EPHA6: variants seen among roughly 807,000 people sequenced by gnomAD.
The protein encoded by EPHA6 is ephrin type-A receptor 6.
Under a neutral mutation model 112.0 loss-of-function variants are expected in EPHA6, and 50 were observed. The ratio of observed to expected loss-of-function variants is 0.45; its 90% CI spans 0.36 to 0.56. The LOEUF is 0.56. Among genes scored for constraint, EPHA6 ranks in the 20% least tolerant of loss-of-function variants. The probability of loss-of-function intolerance (pLI) is 0.00; values close to 1 mark genes in which losing one functional copy is unlikely to be tolerated. For missense variants in EPHA6, 1,280 were observed against 1,417.4 expected (o/e 0.90, Z 1.56); for synonymous variants, 529 against 490.7 (o/e 1.08, Z -1.03).
intron 14 of EPHA6, among the ~76,000 whole-genome samples, chr3:97,664,287 C>T (rs1023604405): frequency 1.3e-5 from 2 of 152,110 alleles, no homozygotes; most frequent in African/African-American, 4.8e-5. Flanking sequence ...CTGTAGGATG[C>T]CTGTTCACTC....
At chr3:97,185,456 C>T (rs935308261) in intron 3 of EPHA6, among the ~76,000 whole-genome samples, 1 of 151,952 alleles carries the variant, frequency 6.6e-6, no homozygotes, top group African/African-American at 2.4e-5. Flanking sequence ...CCAACAGATG[C>T]ATGAAAAAAT....
At chr3:97,687,916 A>G (rs955779454) in intron 14 of EPHA6, among the ~76,000 whole-genome samples, 1 of 152,196 alleles carries the variant, frequency 6.6e-6, no homozygotes, top group Non-Finnish European at 1.5e-5. Context: ...CAAGAATGCC[A>G]GAGTGATTAG....
intron 5 of EPHA6, among the ~76,000 whole-genome samples, chr3:97,342,314 G>A (rs1244607246): frequency 6.6e-6 from 1 of 152,194 alleles, no homozygotes; most frequent in African/African-American, 2.4e-5. Flanking sequence ...TTTACAGTGT[G>A]ATGAGTTTGG....
chr3:97,662,547 A>G (rs1295063989), intron 14 of EPHA6, among the ~76,000 whole-genome samples: 1 of 152,128 alleles, frequency 6.6e-6, no homozygotes, highest in Non-Finnish European at 1.5e-5. Flanking sequence ...AGCTCAATTC[A>G]TCTCTGACAA....
chr3:97,490,925 A>T (rs987384107), intron 10 of EPHA6, among the ~76,000 whole-genome samples: 1 of 152,140 alleles, frequency 6.6e-6, no homozygotes, highest in South Asian at 2.1e-4. Context: ...TGCTGTCAGG[A>T]TACAGTCCTT....
intron 6 of EPHA6, among the ~76,000 whole-genome samples, chr3:97,445,620 G>T (rs951970360): frequency 6.6e-6 from 1 of 151,656 alleles, no homozygotes; most frequent in Non-Finnish European, 1.5e-5. Flanking sequence ...TGAAGCATAA[G>T]AAGTTAGAAG....
At chr3:97,641,790 T>A (rs972523442) in intron 14 of EPHA6, among the ~76,000 whole-genome samples, 6 of 152,186 alleles carry the variant, frequency 3.9e-5, no homozygotes, top group Non-Finnish European at 8.8e-5. Context: ...GAGGGTCCTA[T>A]GCCCACGGAG....
At position 97,749,887 on chromosome 3, in the gene EPHA6, C is replaced by T. The variant is rs1232271067; in HGVS notation, c.*1186C>T. On this transcript the variant is annotated 3_prime_UTR_variant, in exon 18 of 18. Coordinates refer to ENST00000389672, the MANE Select transcript of EPHA6 (RefSeq NM_001080448.3). ...CTTCTAAGAAATAAGTATGAATACTCCAAAGAGCATATAAACAGATCTTAC... is the reference window on the plus strand; with the variant it reads ...CTTCTAAGAAATAAGTATGAATACTTCAAAGAGCATATAAACAGATCTTAC... Among the ~76,000 whole-genome samples, 1 of 152,068 alleles carries T rather than the reference C, an allele frequency of 6.6e-6. No homozygotes were observed. Among genetic ancestry groups the T allele is most frequent in the Non-Finnish European group, 1.5e-5 (1 of 68,020 alleles).
At chr3:97,742,263 T>C (rs2035537220) in intron 16 of EPHA6, among the ~76,000 whole-genome samples, 1 of 152,146 alleles carries the variant, frequency 6.6e-6, no homozygotes, top group Non-Finnish European at 1.5e-5. Context: ...TGAATTGCAG[T>C]TGGCATGTGA....
At chr3:97,007,411 G>T (rs1343090665) in intron 3 of EPHA6, among the ~76,000 whole-genome samples, 1 of 145,926 alleles carries the variant, frequency 6.9e-6, no homozygotes, top group East Asian at 2.1e-4. Context: ...TTTTATCAGA[G>T]ATTAGGATTG....
chr3:97,638,570 C>A (rs1441153064), intron 14 of EPHA6, among the ~76,000 whole-genome samples: 1 of 152,036 alleles, frequency 6.6e-6, no homozygotes, highest in African/African-American at 2.4e-5. Flanking sequence ...CACTCTAAAC[C>A]TTTTCCTAAA....
chr3:97,509,518 T>C (rs971586546), intron 10 of EPHA6, among the ~76,000 whole-genome samples: 2 of 152,180 alleles, frequency 1.3e-5, no homozygotes, highest in African/African-American at 4.8e-5. Flanking sequence ...TTGGCCCTCA[T>C]GCTCTTCTGG....
intron 4 of EPHA6, among the ~76,000 whole-genome samples, chr3:97,237,349 A>G (rs2078709591): frequency 6.6e-6 from 1 of 152,058 alleles, no homozygotes; most frequent in East Asian, 1.9e-4. Context: ...TTCCCCAATT[A>G]TAAATTACTG....
At chr3:96,987,309 T>C in intron 2 of EPHA6, 21 bp from the exon 3 acceptor site, 1 of 1,564,682 alleles carries the variant, frequency 6.4e-7, no homozygotes, top group South Asian at 1.2e-5. Context: ...ATCACTTAAT[T>C]ACTTTTTTCC....
At chr3:96,847,384 C>T (rs748899976) in intron 1 of EPHA6, among the ~76,000 whole-genome samples, 4 of 138,250 alleles carry the variant, frequency 2.9e-5, no homozygotes, top group Admixed American at 7.5e-5. Flanking sequence ...TAGACTGACA[C>T]GTTCATTTTT....
intron 14 of EPHA6, chr3:97,646,109 G>C (rs934438562): frequency 1.3e-6 from 2 of 1,521,562 alleles, no homozygotes; most frequent in Non-Finnish European, 1.8e-6. Context: ...AAATGACTTT[G>C]CCAATTCAGA....
In EPHA6 at chr3:97,604,606, C is replaced by A. The variant is rs2093666741; in HGVS notation, c.2513-6187C>A. 2.0e-5 allele frequency among the ~76,000 whole-genome samples: 3 copies of A among 151,592 alleles called. No homozygotes were observed. In the South Asian group the frequency reaches 6.2e-4, roughly 31 times the overall value. On this transcript the variant is annotated intron_variant, in intron 12 of 17. Coordinates refer to ENST00000389672, the MANE Select transcript of EPHA6 (RefSeq NM_001080448.3). ...TAGATGGACATCAACATTTTAGTGA[C>A]AAACATTGTGCTAATTATATATTTT...
rs2036020508 is a variant in EPHA6 at position 97,756,161 on chromosome 3, A to G, written c.*7460A>G. On this transcript the variant is annotated 3_prime_UTR_variant, in exon 18 of 18. Coordinates refer to ENST00000389672, the MANE Select transcript of EPHA6 (RefSeq NM_001080448.3). ...TCATCTACCCAGTAATATAATTATTAAAGTCATGAGGAAGTTTTTCTTTGA... is the reference window on the plus strand; with the variant it reads ...TCATCTACCCAGTAATATAATTATTGAAGTCATGAGGAAGTTTTTCTTTGA... Among the ~76,000 whole-genome samples the G allele has an allele frequency of 6.6e-6, 1 of 151,980 alleles. No individual in the cohort carries two copies. Among genetic ancestry groups the G allele is most frequent in the South Asian group, 2.1e-4 (1 of 4,828 alleles).
intron 2 of EPHA6, among the ~76,000 whole-genome samples, chr3:96,964,349 CTTTA>C (rs1401168589): frequency 6.6e-6 from 1 of 152,138 alleles, no homozygotes; most frequent in Non-Finnish European, 1.5e-5. Flanking sequence ...CCTCTCTTGC[CTTTA>C]TTTATTATTT....
Sources: gnomAD v4.1 joint callset for allele counts (sites outside exome capture counted in the v4.1 genomes callset) on GRCh38, gnomAD v4.1.1 for gene constraint, MANE v1.5 for transcripts, NCBI Gene and HGNC (gene_info 2026-07-23, HGNC 2026-07-21) for gene names.